The following TMEM132B variants were observed in gnomAD, a reference collection of about 807,000 sequenced individuals.
TMEM132B encodes the protein transmembrane protein 132B.
A neutral mutation model predicts 90.8 loss-of-function variants in TMEM132B; 18 were observed. That is an observed-to-expected ratio of 0.20 (90% CI 0.14 to 0.29). The LOEUF (loss-of-function observed/expected upper bound fraction) is 0.29. TMEM132B is among the 10% of genes least tolerant of loss of function. The probability of loss-of-function intolerance (pLI) is 1.00; values close to 1 mark genes in which losing one functional copy is unlikely to be tolerated. For missense variants in TMEM132B, 1,096 were observed against 1,326.8 expected, an observed-to-expected ratio of 0.83 and a Z score of 2.70; for synonymous variants, 504 against 523.3, an observed-to-expected ratio of 0.96 and a Z score of 0.50.
intron 3 of TMEM132B, among the ~76,000 whole-genome samples, chr12:125,489,052 C>G (rs948790722): frequency 6.6e-6 from 1 of 152,236 alleles, no homozygotes; most frequent in Non-Finnish European, 1.5e-5. Context: ...TTACCAGATA[C>G]TGGTCCTGAG....
At chr12:125,428,227 C>G (rs182086786) in intron 3 of TMEM132B, among the ~76,000 whole-genome samples, 1 of 152,176 alleles carries the variant, frequency 6.6e-6, no homozygotes, top group Admixed American at 6.5e-5. Flanking sequence ...CTGCTGGGTT[C>G]AAGTGATCCT....
chr12:125,262,526 C>T (rs76396553), intron 1 of TMEM132B, among the ~76,000 whole-genome samples: 139 of 152,274 alleles, frequency 9.1e-4, no homozygotes, highest in African/African-American at 3.3e-3. Flanking sequence ...TGAGTGTGTG[C>T]CCCCTTTAGT....
intron 4 of TMEM132B, among the ~76,000 whole-genome samples, chr12:125,543,329 AAAC>A (rs1258226675): frequency 6.6e-5 from 10 of 152,262 alleles, no homozygotes; most frequent in Non-Finnish European, 1.3e-4. Flanking sequence ...ATACAACCAT[AAAC>A]AACAATACAA....
intron 5 of TMEM132B, chr12:125,587,587 C>T (rs1885210692): frequency 6.6e-6 from 1 of 152,130 alleles, no homozygotes; most frequent in Admixed American, 6.6e-5. Context: ...GAGGATGCTC[C>T]TCTGCATAAA....
chr12:125,371,261 T>G (rs1878284642), intron 2 of TMEM132B, among the ~76,000 whole-genome samples: 2 of 152,158 alleles, frequency 1.3e-5, no homozygotes, highest in Non-Finnish European at 2.9e-5. Context: ...CTGAGTCCAT[T>G]GACTCTGACT....
At chr12:125,229,161 A>G (rs1873757742) in intron 1 of TMEM132B, among the ~76,000 whole-genome samples, 1 of 152,204 alleles carries the variant, frequency 6.6e-6, no homozygotes, top group African/African-American at 2.4e-5. Context: ...TTAAGTAAAT[A>G]ACGCATGTCC....
intron 4 of TMEM132B, among the ~76,000 whole-genome samples, chr12:125,533,356 G>A (rs1323970952): frequency 6.6e-6 from 1 of 152,188 alleles, no homozygotes; most frequent in Non-Finnish European, 1.5e-5. Context: ...AGGGTGGTGT[G>A]GCCACTGGCC....
At chr12:125,464,345 T>C (rs375780371) in intron 3 of TMEM132B, among the ~76,000 whole-genome samples, 2 of 152,142 alleles carry the variant, frequency 1.3e-5, no homozygotes, top group East Asian at 1.9e-4. Flanking sequence ...TCTCCCTCTT[T>C]AGCTTTTGGG....
At chr12:125,425,762 T>C (rs1010188628) in intron 3 of TMEM132B, among the ~76,000 whole-genome samples, 1 of 152,244 alleles carries the variant, frequency 6.6e-6, no homozygotes, top group Non-Finnish European at 1.5e-5. Flanking sequence ...TTCCTCGCTG[T>C]CTTTTCTTGG....
At chr12:125,201,183 A>G (rs1873049559) in intron 1 of TMEM132B, among the ~76,000 whole-genome samples, 2 of 151,802 alleles carry the variant, frequency 1.3e-5, no homozygotes, top group Non-Finnish European at 2.9e-5. Context: ...TTTCAGGGGG[A>G]AAAGTATTGG....
intron 1 of TMEM132B, among the ~76,000 whole-genome samples, chr12:125,221,348 A>G (rs1006886964): frequency 6.6e-6 from 1 of 152,212 alleles, no homozygotes; most frequent in Non-Finnish European, 1.5e-5. Context: ...TTCAGAGTGG[A>G]TAACACTTGC....
chr12:125,308,619 TC>T (rs536467786), intron 1 of TMEM132B, among the ~76,000 whole-genome samples: 30 of 152,314 alleles, frequency 2.0e-4, no homozygotes, highest in African/African-American at 7.0e-4. Flanking sequence ...GAAAAACCTT[TC>T]TTTTTTTTTA....
intron 4 of TMEM132B, among the ~76,000 whole-genome samples, chr12:125,530,233 G>GTT (rs34629082): frequency 0.031 from 4,609 of 147,802 alleles, 124 homozygotes; most frequent in Non-Finnish European, 0.052. Flanking sequence ...TTATTCCATA[G>GTT]TTTTTTTTTT....
intron 1 of TMEM132B, among the ~76,000 whole-genome samples, chr12:125,263,608 G>C (rs1325525210): frequency 6.6e-6 from 1 of 152,152 alleles, no homozygotes; most frequent in African/African-American, 2.4e-5. Context: ...CCAGTCCCTT[G>C]GTGGTCAATA....
rs1249321003 is a variant in TMEM132B, at chr12:125,209,285, C to T, written c.67+22419C>T. Reference sequence around the variant, plus strand: ...GGAGCCTGGCCTGCTGGGTGAGGCTCACATCTCTAAGTGGGGCAGAGGCTC... The same window carrying T: ...GGAGCCTGGCCTGCTGGGTGAGGCTTACATCTCTAAGTGGGGCAGAGGCTC... On this transcript the variant is annotated intron_variant, in intron 1 of 8. Coordinates refer to ENST00000682704, the MANE Select transcript of TMEM132B (RefSeq NM_001366854.1). This position sits in a 1 kb window ranked among gnomAD's most constrained non-coding sequence, Gnocchi z 4.4. 1.3e-5 allele frequency among the ~76,000 whole-genome samples: 2 copies of T among 152,232 alleles called. No homozygotes were observed. The highest frequency in any genetic ancestry group is 2.4e-5 in the African/African-American group (1 of 41,454).
At chr12:125,388,313 C>T (rs1203797290) in intron 2 of TMEM132B, among the ~76,000 whole-genome samples, 1 of 152,056 alleles carries the variant, frequency 6.6e-6, no homozygotes, top group Non-Finnish European at 1.5e-5. Flanking sequence ...TCTGTAATCC[C>T]AGCTACTTGG....
At chr12:125,455,264 G>A (rs538552367) in intron 3 of TMEM132B, among the ~76,000 whole-genome samples, 27 of 152,122 alleles carry the variant, frequency 1.8e-4, no homozygotes, top group Non-Finnish European at 2.9e-4. Flanking sequence ...GCAGGAAACC[G>A]TAAAGTACTA....
At chr12:125,395,732 G>A (rs76257566) in intron 2 of TMEM132B, among the ~76,000 whole-genome samples, 3 of 152,192 alleles carry the variant, frequency 2.0e-5, no homozygotes, top group Admixed American at 1.3e-4. Context: ...TTCCTGGCTC[G>A]TGTAATTGAA....
chr12:125,331,215 C>T (rs1876761019), intron 1 of TMEM132B, among the ~76,000 whole-genome samples: 1 of 152,216 alleles, frequency 6.6e-6, no homozygotes, highest in African/African-American at 2.4e-5. Flanking sequence ...CCGGGTCGGT[C>T]CCCTCCTCCG....
Sources: gnomAD v4.1 joint callset for allele counts (sites outside exome capture counted in the v4.1 genomes callset) on GRCh38, gnomAD v4.1.1 for gene constraint, Gnocchi (gnomAD v3.1) non-coding constraint, MANE v1.5 for transcripts, NCBI Gene and HGNC (gene_info 2026-07-23, HGNC 2026-07-21) for gene names.